HEG1: variants seen among roughly 807,000 people sequenced by gnomAD.
The protein encoded by HEG1 is heart development protein with EGF like domains 1, also known as protein HEG homolog 1.
In HEG1, 56 loss-of-function variants were observed where a neutral mutation model predicts 125.6. The ratio of observed to expected loss-of-function variants is 0.45; its 90% CI spans 0.36 to 0.56. HEG1 has a LOEUF of 0.56. Among genes scored for constraint, HEG1 ranks in the 20% least tolerant of loss-of-function variants. HEG1 has a pLI of 0.00. For missense variants in HEG1, 1,523 were observed against 1,670.0 expected (o/e 0.91, Z 1.53); for synonymous variants, 644 against 668.5 (o/e 0.96, Z 0.57).
chr3:125,051,198 C>T (rs942004884), intron 1 of HEG1, among the ~76,000 whole-genome samples: 3 of 152,232 alleles, frequency 2.0e-5, no homozygotes, highest in Non-Finnish European at 4.4e-5. Context: ...GGTCTTGTCT[C>T]AGGTAATTTC....
At chr3:124,989,698 G>A (rs755029990) in intron 14 of HEG1, among the ~76,000 whole-genome samples, 3 of 152,162 alleles carry the variant, frequency 2.0e-5, no homozygotes, top group African/African-American at 7.2e-5. Flanking sequence ...CTGGAGCAGA[G>A]AGGACTCCTA....
Position 125,029,266 on chromosome 3 carries a change from T to A in HEG1, c.539A>T (p.Asn180Ile), listed in dbSNP as rs764354691. The A allele has an allele frequency of 3.1e-6, 5 of 1,613,640 alleles. No individual in the cohort carries two copies. In the South Asian group the frequency reaches 4.4e-5, roughly 14 times the overall value. The part of the protein sequence containing the change: ...RGRSGSSSRT[N>I]FTILPVGYSL... ...GTACCCAACAGGCAAAATGGTGAAG[T>A]TTGTTCTACTTGAAGAGCCGCTCCT... is the stretch of plus-strand genomic sequence containing the variant. Residue 180 changes from asparagine to isoleucine, a missense_variant, in exon 2 of 17, where the codon AAC (asparagine) becomes ATC (isoleucine). Transcript: ENST00000311127.
intron 14 of HEG1, among the ~76,000 whole-genome samples, chr3:124,985,707 C>T (rs907979378): frequency 6.6e-6 from 1 of 152,174 alleles, no homozygotes; most frequent in African/African-American, 2.4e-5. Flanking sequence ...GCCTGCGCTG[C>T]CCAGGAGTGG....
intron 5 of HEG1, among the ~76,000 whole-genome samples, chr3:125,017,824 T>C (rs113931684): frequency 2.6e-4 from 39 of 150,014 alleles, no homozygotes; most frequent in African/African-American, 9.1e-4. Flanking sequence ...ATCGGGACCA[T>C]CCTGGCTAAC....
chr3:124,973,643 G>A (rs1936483875), intron 16 of HEG1, 88 bp downstream of exon 16: 4 of 1,054,298 alleles, frequency 3.8e-6, no homozygotes, highest in South Asian at 1.6e-5. Flanking sequence ...TTAACTAACT[G>A]TAATGCTTTT....
intron 15 of HEG1, 86 bp from the exon 16 acceptor site, chr3:124,973,991 T>A: frequency 1.1e-6 from 1 of 882,342 alleles, no homozygotes; most frequent in Non-Finnish European, 1.7e-6. Flanking sequence ...ATAATGTAAA[T>A]TCAACTGAAA....
Position 125,019,567 on chromosome 3 carries a change from G to T in HEG1, c.1283C>A (p.Ser428Tyr). 1 of 1,606,572 alleles carries T rather than the reference G, an allele frequency of 6.2e-7. No homozygotes were observed. Among genetic ancestry groups the T allele is most frequent in the Non-Finnish European group, 8.5e-7 (1 of 1,173,586 alleles). The change falls in exon 5 of 17, where the codon TCT (serine) becomes TAT (tyrosine). Residue 428 changes from serine to tyrosine, a missense_variant. Transcript: ENST00000311127. Reference protein sequence around the residue: ...TFGEHQLASSSEVQNGSPMSQ... With the variant: ...TFGEHQLASSYEVQNGSPMSQ... ...CATGGGACTTCCATTTTGCACCTCAGAGCTGCTGGCAAGCTGATGTTCTCC... is the reference window on the plus strand; with the variant it reads ...CATGGGACTTCCATTTTGCACCTCATAGCTGCTGGCAAGCTGATGTTCTCC...
Position 125,013,531 on chromosome 3 carries a change from T to C in HEG1, c.2048A>G (p.Gln683Arg), listed in dbSNP as rs200052773. 2,054 of 1,607,592 alleles carry C rather than the reference T, an allele frequency of 1.3e-3. 1 individual carries two copies. The highest frequency in any genetic ancestry group is 1.6e-3 in the Non-Finnish European group (1,940 of 1,176,806). ...AATTGATGAAAATAAATGGTGGGAT[T>C]GTGACACAGAGGGCAGAGGCAAAGG... ...GPPLPLPSVS[Q>R]SHHLFSSILP... Residue 683 changes from glutamine (Q) to arginine (R), a missense_variant, in exon 6 of 17, where the codon CAA (glutamine) becomes CGA (arginine). Physicochemically the swap from Gln to Arg is conservative, Grantham distance 43. Coordinates refer to ENST00000311127, the MANE Select transcript of HEG1 (RefSeq NM_020733.2).
At chr3:124,986,047 G>A (rs968979271) in intron 14 of HEG1, among the ~76,000 whole-genome samples, 3 of 152,232 alleles carry the variant, frequency 2.0e-5, no homozygotes, top group Non-Finnish European at 4.4e-5. Flanking sequence ...CAAAGTGCTG[G>A]GATTACAGGC....
rs1051116866 is a variant in HEG1, at chr3:125,012,698, A to C, written c.2881T>G (p.Leu961Val). ...GCAAAGGTGGCAGATTTGGGAGCCA[A>C]GTCTTCAGCCGTGGAAACAACTGTG... ...QTTVVSTAED[L>V]APKSATFAVQ... The change falls in exon 6 of 17, where the codon TTG becomes GTG. Residue 961 changes from leucine (L) to valine (V), a missense_variant. Leu to Val is a conservative substitution (Grantham distance 32). Transcript: ENST00000311127. 3.1e-6 allele frequency: 5 copies of C among 1,613,864 alleles called. No individual in the cohort carries two copies. Among genetic ancestry groups the C allele is most frequent in the African/African-American group, 2.7e-5 (2 of 74,946 alleles).
At chr3:124,991,517 A>G (rs1389943705) in intron 12 of HEG1, among the ~76,000 whole-genome samples, 1 of 152,196 alleles carries the variant, frequency 6.6e-6, no homozygotes, top group Non-Finnish European at 1.5e-5. Flanking sequence ...CCAGCTATAA[A>G]AAGTATTTTA....
chr3:125,049,285 A>G (rs1180402013), intron 1 of HEG1, among the ~76,000 whole-genome samples: 1 of 152,210 alleles, frequency 6.6e-6, no homozygotes, highest in African/African-American at 2.4e-5. Context: ...AGACCTCCAC[A>G]TATGATGCAT....
chr3:125,022,542 T>A (rs766620183), intron 3 of HEG1, among the ~76,000 whole-genome samples: 8 of 151,860 alleles, frequency 5.3e-5, no homozygotes, highest in Non-Finnish European at 1.0e-4. Flanking sequence ...AAAATGAAGA[T>A]GCAGGCAATC....
chr3:125,014,929 G>A, intron 5 of HEG1: 1 of 1,289,664 alleles, frequency 7.8e-7, no homozygotes, highest in Non-Finnish European at 1.0e-6. Context: ...TGGGTGCCGA[G>A]AGAGGGCACC....
In HEG1 at chr3:125,019,285, G is replaced by A; in HGVS notation, c.1565C>T (p.Ser522Leu). 1 of 1,611,486 alleles carries A rather than the reference G, an allele frequency of 6.2e-7. No homozygotes were observed. The highest frequency in any genetic ancestry group is 8.5e-7 in the Non-Finnish European group (1 of 1,177,704). The change falls in exon 5 of 17, where the codon TCA becomes TTA. Residue 522 changes from serine to leucine, a missense_variant. Transcript: ENST00000311127. ...STSSSESLNS[S>L]APRGERSIAG... ...ACTCGAACGTTCTCCACGTGGTGCTGATGAATTCAAGCTTTCCGAGGAAGA... is the reference window on the plus strand; with the variant it reads ...ACTCGAACGTTCTCCACGTGGTGCTAATGAATTCAAGCTTTCCGAGGAAGA...
intron 1 of HEG1, among the ~76,000 whole-genome samples, chr3:125,050,143 T>C (rs1937770261): frequency 3.8e-5 from 1 of 26,190 alleles, no homozygotes; most frequent in Non-Finnish European, 9.0e-5. Flanking sequence ...ACCAACTCTC[T>C]TTTTTTTTTT....
intron 15 of HEG1, 93 bp downstream of exon 15, chr3:124,977,765 GA>G: frequency 1.3e-6 from 1 of 747,272 alleles, no homozygotes; most frequent in Middle Eastern, 2.6e-4. Flanking sequence ...TTAATATTGT[GA>G]ACCATCTCAA....
Position 125,012,657 on chromosome 3 carries a change from T to G in HEG1, c.2922A>C (p.Thr974=), listed in dbSNP as rs1261170286. 3 of 1,613,762 alleles carry G rather than the reference T, an allele frequency of 1.9e-6. No individual in the cohort carries two copies. The South Asian group carries it at 3.3e-5, about 18-fold the overall frequency. The change falls in exon 6 of 17, where the codon ACA becomes ACC. Residue 974 remains threonine (T), a synonymous_variant. Transcript: ENST00000311127. ...KSATFAVQSS[T]QSPTTVSSSA... ...AAGAGGACACTGTTGTTGGTGACTG[T>G]GTGCTGCTCTGAACAGCAAAGGTGG...
At chr3:125,008,991 G>T (rs929304302) in intron 8 of HEG1, among the ~76,000 whole-genome samples, 1 of 152,220 alleles carries the variant, frequency 6.6e-6, no homozygotes, top group Non-Finnish European at 1.5e-5. Flanking sequence ...CCACCAACCC[G>T]TTACGTAAGC....
Sources: allele counts gnomAD v4.1 joint callset (sites outside exome capture counted in the v4.1 genomes callset), GRCh38; gene constraint gnomAD v4.1.1; transcripts MANE v1.5; gene names NCBI Gene and HGNC (gene_info 2026-07-23, HGNC 2026-07-21).